The following DDX42 variants were observed in gnomAD, a reference collection of about 807,000 sequenced individuals.
The protein encoded by DDX42 is DEAD-box helicase 42, also known as ATP-dependent RNA helicase DDX42.
A neutral mutation model predicts 101.5 loss-of-function variants in DDX42; 22 were observed. The ratio of observed to expected loss-of-function variants is 0.22; its 90% confidence interval spans 0.15 to 0.31. The LOEUF (loss-of-function observed/expected upper bound fraction) is 0.31. DDX42 is among the 10% of genes least tolerant of loss of function. The pLI, the probability that DDX42 is intolerant of heterozygous loss-of-function variation, is 1.00. For synonymous variants in DDX42, 402 were observed against 401.2 expected, an observed-to-expected ratio of 1.00 and a Z score of -0.02; for missense variants, 849 against 1,199.9, an observed-to-expected ratio of 0.71 and a Z score of 4.32.
intron 6 of DDX42, 89 bp downstream of exon 6, chr17:63,800,706 C>T: frequency 6.7e-7 from 1 of 1,490,016 alleles, no homozygotes; most frequent in Non-Finnish European, 9.1e-7. Flanking sequence ...TAGTGGAATA[C>T]TCTTACATCA....
At chr17:63,798,661 G>A (rs1437509124) in intron 4 of DDX42, among the ~76,000 whole-genome samples, 1 of 152,146 alleles carries the variant, frequency 6.6e-6, no homozygotes. Context: ...GAGTGACATT[G>A]TGCTGTAGCA....
chr17:63,804,941 AT>A, intron 6 of DDX42, 129 bp from the exon 7 acceptor site: 2 of 1,165,704 alleles, frequency 1.7e-6, no homozygotes, highest in Non-Finnish European at 2.4e-6. Flanking sequence ...GAATAAATTA[AT>A]TTTTTTGCTT....
chr17:63,808,642 A>G (rs976543585), intron 9 of DDX42, among the ~76,000 whole-genome samples, 178 bp from the exon 10 acceptor site: 1 of 152,214 alleles, frequency 6.6e-6, no homozygotes, highest in Non-Finnish European at 1.5e-5. Flanking sequence ...TAATCTGTTG[A>G]GATGCAATAA....
Position 63,811,263 on chromosome 17 carries a change from A to G in DDX42, c.1398+90A>G. 6.0e-6 allele frequency: 6 copies of G among 1,005,694 alleles called. No individual in the cohort carries two copies. The South Asian group carries it at 1.1e-4, about 18-fold the overall frequency. The allele number at this position is 1,005,694 out of a possible 1,614,324, so 62.3% of individuals were successfully genotyped here. A position where few individuals can be genotyped will look rare whatever the true frequency, so the allele number is the denominator to read the frequency against. On this transcript the variant is annotated intron_variant, in intron 13 of 17. Coordinates refer to ENST00000389924, the MANE Select transcript of DDX42 (RefSeq NM_203499.3). Reference sequence around the variant, plus strand: ...TTAATTTCTCACTATTGAGATAAAAAAAAAAGATGTTATGTTTATAGATGC... The same window carrying G: ...TTAATTTCTCACTATTGAGATAAAAGAAAAAGATGTTATGTTTATAGATGC...
At position 63,818,365 on chromosome 17, in the gene DDX42, G is replaced by A. The variant is rs149941204; in HGVS notation, c.2784G>A (p.Pro928=). The A allele has an allele frequency of 4.3e-5, 70 of 1,613,620 alleles. No individual in the cohort carries two copies. The highest frequency in any genetic ancestry group is 8.0e-5 in the African/African-American group (6 of 74,904). Residue 928 remains proline, a synonymous_variant, in exon 18 of 18, where the codon CCG becomes CCA. Coordinates refer to ENST00000389924, the MANE Select transcript of DDX42 (RefSeq NM_203499.3). ...KTADGFAVPE[P]PKRKKSRWDS ...CTGACGGCTTTGCTGTCCCAGAGCC[G>A]CCTAAACGCAAGAAAAGTCGATGGG... is the stretch of plus-strand genomic sequence containing the variant.
intron 8 of DDX42, among the ~76,000 whole-genome samples, chr17:63,807,002 A>G (rs1170722819): frequency 6.6e-6 from 1 of 152,192 alleles, no homozygotes; most frequent in Non-Finnish European, 1.5e-5. Context: ...TCCCATTTAT[A>G]TATGGGATTT....
At chr17:63,813,872 C>T (rs1429817034) in intron 15 of DDX42, among the ~76,000 whole-genome samples, 1 of 151,866 alleles carries the variant, frequency 6.6e-6, no homozygotes, top group Admixed American at 6.6e-5. Context: ...CAGAATCTCA[C>T]TCTATCGCCC....
intron 1 of DDX42, among the ~76,000 whole-genome samples, chr17:63,784,546 T>G (rs1189659622): frequency 6.6e-6 from 1 of 152,150 alleles, no homozygotes; most frequent in East Asian, 1.9e-4. Flanking sequence ...TTTGGGAGAC[T>G]GAGGTGGGAG....
At chr17:63,814,675 C>CTTTTTTTG (rs2039953540) in intron 15 of DDX42, among the ~76,000 whole-genome samples, 1 of 90,456 alleles carries the variant, frequency 1.1e-5, no homozygotes, top group East Asian at 3.5e-4. Flanking sequence ...GAGACATTTG[C>CTTTTTTTG]TTTTTTTTTT....
At chr17:63,817,251 T>TGCCCACCTCCCAGGC in intron 17 of DDX42, 1 of 388,032 alleles carries the variant, frequency 2.6e-6, no homozygotes, top group Non-Finnish European at 4.6e-6. Flanking sequence ...CCTGAAGTGT[T>TGCCCACCTCCCAGGC]GCCCACCTCC....
At position 63,800,573 on chromosome 17, in the gene DDX42, A is replaced by G. The variant is rs1346163895; in HGVS notation, c.577A>G (p.Thr193Ala). The G allele has an allele frequency of 6.2e-7, 1 of 1,614,132 alleles. No homozygotes were observed. The highest frequency in any genetic ancestry group is 2.2e-5 in the East Asian group (1 of 44,872). ...YDSDGNPIAP[T>A]KKIIDPLPPI... ...TAGTGACGGAAATCCAATTGCACCT[A>G]CCAAAAAAATCATTGATCCTCTTCC... is the stretch of plus-strand genomic sequence containing the variant. The change falls in exon 6 of 18, where the codon ACC becomes GCC. Residue 193 changes from threonine to alanine, a missense_variant. Coordinates refer to ENST00000389924, the MANE Select transcript of DDX42 (RefSeq NM_203499.3).
chr17:63,808,346 T>G (rs201780419), intron 9 of DDX42, among the ~76,000 whole-genome samples: 2 of 152,018 alleles, frequency 1.3e-5, no homozygotes, highest in African/African-American at 4.8e-5. Context: ...GCTAATTTTT[T>G]TATTTTTAGT....
intron 1 of DDX42, among the ~76,000 whole-genome samples, chr17:63,784,477 G>A (rs1237498834): frequency 3.3e-5 from 5 of 152,152 alleles, no homozygotes; most frequent in African/African-American, 1.2e-4. Context: ...AATGTAAGTA[G>A]TAGTTAAAAT....
At chr17:63,789,066 C>A (rs1851883650) in intron 2 of DDX42, among the ~76,000 whole-genome samples, 1 of 151,778 alleles carries the variant, frequency 6.6e-6, no homozygotes, top group Admixed American at 6.6e-5. Context: ...CCATACCCTG[C>A]TAATTTTTTA....
At chr17:63,788,578 T>G (rs550761587) in intron 2 of DDX42, among the ~76,000 whole-genome samples, 1 of 152,164 alleles carries the variant, frequency 6.6e-6, no homozygotes, top group East Asian at 1.9e-4. Context: ...ACTGCTAGGA[T>G]TATACAGGCG....
At chr17:63,777,583 G>A (rs2039436606) in intron 1 of DDX42, among the ~76,000 whole-genome samples, 1 of 151,974 alleles carries the variant, frequency 6.6e-6, no homozygotes, top group Non-Finnish European at 1.5e-5. Flanking sequence ...GAGTAGCTGG[G>A]ACTACAGGTG....
At chr17:63,807,086 A>T (rs752764421) in intron 8 of DDX42, among the ~76,000 whole-genome samples, 1 of 152,002 alleles carries the variant, frequency 6.6e-6, no homozygotes, top group Non-Finnish European at 1.5e-5. Context: ...AGGGGGGAAA[A>T]TTTTTAAAAT....
chr17:63,798,170 A>C (rs2039716434), intron 4 of DDX42, 71 bp downstream of exon 4: 1 of 1,432,822 alleles, frequency 7.0e-7, no homozygotes, highest in East Asian at 2.3e-5. Context: ...CTATTCCCCC[A>C]AAGTTTATAG....
chr17:63,775,449 A>C (rs536954982), intron 1 of DDX42, among the ~76,000 whole-genome samples: 16 of 152,176 alleles, frequency 1.1e-4, no homozygotes, highest in Non-Finnish European at 1.8e-4. Context: ...GAAGATGATC[A>C]GTATCTTAGG....
Sources: allele counts gnomAD v4.1 joint callset (sites outside exome capture counted in the v4.1 genomes callset), GRCh38; gene constraint gnomAD v4.1.1; transcripts MANE v1.5; gene names NCBI Gene and HGNC (gene_info 2026-07-23, HGNC 2026-07-21).